Variants in ASTN1 observed in about 807,000 individuals in gnomAD.
The protein encoded by ASTN1 is astrotactin 1, also known as astrotactin-1.
ASTN1 carries 41 observed loss-of-function variants against 140.7 expected under a neutral mutation model. That is an observed-to-expected ratio of 0.29 (90% CI 0.23 to 0.38). The LOEUF (loss-of-function observed/expected upper bound fraction) is 0.38, where lower values mean the gene tolerates loss of function less well. ASTN1 is among the 10% of genes least tolerant of loss of function. ASTN1 has a pLI of 1.00. For synonymous variants in ASTN1, 640 were observed against 652.2 expected, an observed-to-expected ratio of 0.98 and a Z score of 0.29; for missense variants, 1,479 against 1,678.8, an observed-to-expected ratio of 0.88 and a Z score of 2.08.
At chr1:176,915,589 G>T (rs1348124146) in intron 16 of ASTN1, among the ~76,000 whole-genome samples, 4 of 152,088 alleles carry the variant, frequency 2.6e-5, no homozygotes, top group Non-Finnish European at 5.9e-5. Flanking sequence ...CAATCTATTG[G>T]CATTCACCTG....
At chr1:176,955,630 A>G (rs896693353) in intron 11 of ASTN1, among the ~76,000 whole-genome samples, 4 of 152,228 alleles carry the variant, frequency 2.6e-5, no homozygotes, top group African/African-American at 9.6e-5. Flanking sequence ...CATATTCATC[A>G]GAACTATTCC....
At chr1:177,157,633 T>G (rs891040428) in intron 1 of ASTN1, among the ~76,000 whole-genome samples, 4 of 152,020 alleles carry the variant, frequency 2.6e-5, no homozygotes, top group African/African-American at 9.7e-5. Flanking sequence ...TCTTTAAAAA[T>G]TAATTTGTAT....
intron 1 of ASTN1, among the ~76,000 whole-genome samples, chr1:177,118,941 C>A (rs1388280032): frequency 1.3e-5 from 2 of 152,106 alleles, no homozygotes; most frequent in South Asian, 2.1e-4. Context: ...AATTTGATTT[C>A]TTTTATGCTT....
intron 8 of ASTN1, among the ~76,000 whole-genome samples, chr1:177,005,843 AG>A (rs1674968351): frequency 2.6e-5 from 4 of 152,184 alleles, no homozygotes; most frequent in Non-Finnish European, 2.9e-5. Context: ...TCCTGATGTC[AG>A]GTGTTCCACT....
At position 177,038,257 on chromosome 1, in the gene ASTN1, T is replaced by C. The variant is rs199522488; in HGVS notation, c.472-5408A>G. 3.9e-5 allele frequency among the ~76,000 whole-genome samples: 6 copies of C among 152,346 alleles called. No individual in the cohort carries two copies. In the East Asian group the frequency reaches 1.2e-3, roughly 29 times the overall value. ...TTCTCTAGTCTCACTGCACTTTCCA[T>C]AGAACCCTCCACATAACTCTAACCA... On this transcript the variant is annotated intron_variant, in intron 2 of 22. Coordinates refer to ENST00000361833, the MANE Select transcript of ASTN1 (RefSeq NM_004319.3).
chr1:177,011,777 C>A (rs1675307573), intron 8 of ASTN1, among the ~76,000 whole-genome samples: 1 of 151,916 alleles, frequency 6.6e-6, no homozygotes, highest in Admixed American at 6.6e-5. Flanking sequence ...GACCAGGAAA[C>A]TAGAAGGAGG....
chr1:176,953,518 G>T (rs1557986747), intron 11 of ASTN1, among the ~76,000 whole-genome samples: 1 of 152,212 alleles, frequency 6.6e-6, no homozygotes, highest in African/African-American at 2.4e-5. Context: ...AAGGGGAAAA[G>T]TTTGATGGAG....
At chr1:176,926,291 A>C (rs79729936) in intron 16 of ASTN1, among the ~76,000 whole-genome samples, 2 of 97,526 alleles carry the variant, frequency 2.1e-5, no homozygotes, top group African/African-American at 4.7e-5. Flanking sequence ...GCCTGCTCAA[A>C]AAAAAAAAAA....
At chr1:177,035,791 C>T (rs556134089) in intron 2 of ASTN1, among the ~76,000 whole-genome samples, 4 of 152,290 alleles carry the variant, frequency 2.6e-5, no homozygotes, top group African/African-American at 9.6e-5. Flanking sequence ...CCAGATCTTC[C>T]TTCACTGCTC....
Position 177,032,769 on chromosome 1 carries a change from G to T in ASTN1, c.552C>A (p.Arg184=). ...LYTRRRWCKR[R]RVPQPQKSAS... ...CACTCTTCTGGGGCTGCGGGACCCGGCGGCGTTTGCACCAGCGCCGGCGAG... is the reference window on the plus strand; with the variant it reads ...CACTCTTCTGGGGCTGCGGGACCCGTCGGCGTTTGCACCAGCGCCGGCGAG... Residue 184 remains arginine, a synonymous_variant, in exon 3 of 23, where the codon CGC becomes CGA. Transcript: ENST00000361833. 6.2e-7 allele frequency: 1 copy of T among 1,613,380 alleles called. No individual in the cohort carries two copies. The highest frequency in any genetic ancestry group is 8.5e-7 in the Non-Finnish European group (1 of 1,180,022).
intron 1 of ASTN1, among the ~76,000 whole-genome samples, chr1:177,107,714 G>A (rs1354283478): frequency 6.6e-6 from 1 of 152,162 alleles, no homozygotes; most frequent in Non-Finnish European, 1.5e-5. Flanking sequence ...TTAGACCTAA[G>A]TCTGGCCAGA....
chr1:176,927,475 A>T (rs1671021739), intron 16 of ASTN1, among the ~76,000 whole-genome samples: 1 of 152,198 alleles, frequency 6.6e-6, no homozygotes, highest in Non-Finnish European at 1.5e-5. Flanking sequence ...AAAAAAATGT[A>T]CTGTGCTTAG....
chr1:176,988,766 C>A (rs1257252243), intron 8 of ASTN1, among the ~76,000 whole-genome samples: 1 of 152,096 alleles, frequency 6.6e-6, no homozygotes, highest in East Asian at 1.9e-4. Context: ...CATCTGGTAC[C>A]AGGTCATGGC....
chr1:176,963,301 A>C (rs2101846652), intron 9 of ASTN1, among the ~76,000 whole-genome samples: 1 of 152,324 alleles, frequency 6.6e-6, no homozygotes, highest in South Asian at 2.1e-4. Context: ...ATAAGTAGCC[A>C]ATTACAGTCA....
At chr1:176,945,197 G>C in intron 13 of ASTN1, among the ~76,000 whole-genome samples, 1 of 151,670 alleles carries the variant, frequency 6.6e-6, no homozygotes, top group East Asian at 1.9e-4. Context: ...TTATTCTCAG[G>C]ACTCCTTTAC....
intron 1 of ASTN1, among the ~76,000 whole-genome samples, chr1:177,101,634 C>G (rs887006067): frequency 6.6e-6 from 1 of 152,132 alleles, no homozygotes; most frequent in African/African-American, 2.4e-5. Context: ...CATAGGCTTG[C>G]TATCTTTGTT....
chr1:176,936,454 G>T, intron 14 of ASTN1, 84 bp from the exon 15 acceptor site: 1 of 1,046,694 alleles, frequency 9.6e-7, no homozygotes, highest in Non-Finnish European at 1.4e-6. Flanking sequence ...TCTATGAGGC[G>T]AAGTGTTGTA....
intron 8 of ASTN1, among the ~76,000 whole-genome samples, chr1:177,001,627 A>G (rs912319288): frequency 6.6e-6 from 1 of 152,192 alleles, no homozygotes; most frequent in Non-Finnish European, 1.5e-5. Context: ...TGTTCTTCCC[A>G]TTACGTTCTG....
At chr1:176,971,946 CATT>C (rs1170596106) in intron 8 of ASTN1, among the ~76,000 whole-genome samples, 1 of 152,150 alleles carries the variant, frequency 6.6e-6, no homozygotes, top group African/African-American at 2.4e-5. Flanking sequence ...AGAAATGCAT[CATT>C]AAGTGATTTT....
Sources: gnomAD v4.1 joint callset for allele counts (sites outside exome capture counted in the v4.1 genomes callset) on GRCh38, gnomAD v4.1.1 for gene constraint, MANE v1.5 for transcripts, NCBI Gene and HGNC (gene_info 2026-07-23, HGNC 2026-07-21) for gene names.